USH2A: variants seen among roughly 807,000 people sequenced by gnomAD.
USH2A encodes the protein Usher syndrome 2A (autosomal recessive, mild).
In USH2A, 443 loss-of-function variants were observed where a neutral mutation model predicts 538.9. That is an observed-to-expected ratio of 0.82 (90% CI 0.76 to 0.89). The LOEUF (loss-of-function observed/expected upper bound fraction) is 0.89. Ranked by LOEUF, USH2A falls within the 40% of genes least tolerant of loss-of-function variation. USH2A has a pLI of 0.00. For synonymous variants in USH2A, 2,413 were observed against 2,273.5 expected (o/e 1.06, Z -1.75); for missense variants, 6,633 against 6,324.8 (o/e 1.05, Z -1.65).
At chr1:215,873,939 A>G (rs565665993) in intron 43 of USH2A, among the ~76,000 whole-genome samples, 19 of 152,322 alleles carry the variant, frequency 1.2e-4, no homozygotes, top group African/African-American at 4.6e-4. Flanking sequence ...TTTTCTCTAT[A>G]ATAGTAAAAT....
intron 3 of USH2A, among the ~76,000 whole-genome samples, chr1:216,385,942 C>A (rs1380507606): frequency 5.3e-5 from 8 of 152,252 alleles, no homozygotes; most frequent in Admixed American, 3.9e-4. Flanking sequence ...TTTTTATAAT[C>A]CAAGAAGCAC....
In USH2A at chr1:215,912,499, A is replaced by ATATATATATACG. The variant is rs1558158066; in HGVS notation, c.7301-11595_7301-11594insCGTATATATATA. On this transcript the variant is annotated intron_variant, in intron 38 of 71. Coordinates refer to ENST00000307340, the MANE Select transcript of USH2A (RefSeq NM_206933.4). ...TACGTATATATATATATGTGTATATATATATATATATACGTGTATATATAT... is the reference window on the plus strand; with the variant it reads ...TACGTATATATATATATGTGTATATATATATATATACGTATATATATATACGTGTATATATAT... Among the ~76,000 whole-genome samples the ATATATATATACG allele has an allele frequency of 5.9e-3, 257 of 43,220 alleles. 1 individual carries two copies. The highest frequency in any genetic ancestry group is 0.012 in the South Asian group (15 of 1,244). The allele number at this position is 43,220 out of a possible 152,430, so 28.4% of individuals were successfully genotyped here.
rs2037663417 is a variant in USH2A at position 216,323,626 on chromosome 1, T to C, written c.1398A>G (p.Gly466=). ...ATGGGGTATTATAGAAGTTATTGTATCCAGGACGATAATTTGGTCCAGGTG... is the reference window on the plus strand; with the variant it reads ...ATGGGGTATTATAGAAGTTATTGTACCCAGGACGATAATTTGGTCCAGGTG... The part of the protein sequence containing the change: ...ILTPGPNYRP[G]YNNFYNTPSL... Residue 466 remains glycine, a synonymous_variant, in exon 8 of 72, where the codon GGA becomes GGG. Coordinates refer to ENST00000307340, the MANE Select transcript of USH2A (RefSeq NM_206933.4). The C allele has an allele frequency of 1.9e-6, 3 of 1,613,618 alleles. No individual in the cohort carries two copies.
chr1:215,977,225 T>C (rs1419270019), intron 35 of USH2A, among the ~76,000 whole-genome samples: 1 of 152,098 alleles, frequency 6.6e-6, no homozygotes, highest in Non-Finnish European at 1.5e-5. Flanking sequence ...AAAAAAAATC[T>C]TTGCTAGCTT....
At chr1:216,268,576 ATGGATGTGGGGCAGTACT>A (rs1435563696) in intron 11 of USH2A, among the ~76,000 whole-genome samples, 3 of 152,124 alleles carry the variant, frequency 2.0e-5, no homozygotes, top group African/African-American at 7.2e-5. Context: ...AAAGTATTTG[ATGGATGTGGGGCAGTACT>A]TGCAAAGTGA....
At chr1:215,798,876 A>T in intron 50 of USH2A, 31 bp downstream of exon 50, 1 of 1,611,948 alleles carries the variant, frequency 6.2e-7, no homozygotes, top group Non-Finnish European at 8.5e-7. Flanking sequence ...CAGATCCTCC[A>T]TCTACTGAAA....
Position 216,149,309 on chromosome 1 carries a change from C to T in USH2A, c.4627+25943G>A, listed in dbSNP as rs147489497. ...TTCCCTTCTGTCAGACATAATTCCC[C>T]GGTTTGGCCTTCCCACCTCTATACA... On this transcript the variant is annotated intron_variant, in intron 21 of 71. Transcript: ENST00000307340. Among the ~76,000 whole-genome samples the T allele has an allele frequency of 4.5e-3, 689 of 152,248 alleles. 4 individuals carry two copies. Among genetic ancestry groups the T allele is most frequent in the African/African-American group, 0.016 (653 of 41,550 alleles).
intron 20 of USH2A, among the ~76,000 whole-genome samples, chr1:216,181,566 A>G (rs1197234083): frequency 1.3e-5 from 2 of 152,138 alleles, no homozygotes; most frequent in Non-Finnish European, 2.9e-5. Context: ...TCTGGCGATC[A>G]CAATAATTTG....
At chr1:215,726,566 C>T (rs546013039) in intron 61 of USH2A, among the ~76,000 whole-genome samples, 1 of 152,234 alleles carries the variant, frequency 6.6e-6, no homozygotes, top group African/African-American at 2.4e-5. Context: ...ATGTTATCCT[C>T]CATAAGATAA....
At chr1:216,232,375 A>T (rs1350039576) in intron 13 of USH2A, among the ~76,000 whole-genome samples, 1 of 152,192 alleles carries the variant, frequency 6.6e-6, no homozygotes, top group Non-Finnish European at 1.5e-5. Flanking sequence ...AAAATCTACC[A>T]TGCAATATTT....
intron 20 of USH2A, among the ~76,000 whole-genome samples, chr1:216,177,006 T>C (rs1411925735): frequency 3.9e-5 from 6 of 152,218 alleles, no homozygotes; most frequent in Non-Finnish European, 8.8e-5. Context: ...AAAGCTGCTA[T>C]GATGTGCATA....
chr1:216,365,230 A>G, intron 3 of USH2A, 145 bp from the exon 4 acceptor site: 1 of 934,180 alleles, frequency 1.1e-6, no homozygotes, highest in Non-Finnish European at 1.6e-6. Flanking sequence ...TTAATAGCTC[A>G]GTGATATCTC....
intron 54 of USH2A, 22 bp downstream of exon 54, chr1:215,782,020 A>G: frequency 6.2e-7 from 1 of 1,613,702 alleles, no homozygotes; most frequent in Non-Finnish European, 8.5e-7. Context: ...CTTTTCCCAG[A>G]GTTTAGGCAA....
At chr1:216,157,403 G>T (rs1414960982) in intron 21 of USH2A, among the ~76,000 whole-genome samples, 1 of 152,184 alleles carries the variant, frequency 6.6e-6, no homozygotes, top group Non-Finnish European at 1.5e-5. Flanking sequence ...AGCCACTGTG[G>T]AAAGCAGTCT....
intron 38 of USH2A, among the ~76,000 whole-genome samples, chr1:215,932,494 A>C (rs1300832258): frequency 1.3e-5 from 2 of 152,092 alleles, no homozygotes; most frequent in East Asian, 3.9e-4. Context: ...AAACCTATTT[A>C]ATCAATGAGG....
intron 61 of USH2A, among the ~76,000 whole-genome samples, chr1:215,723,469 C>A (rs1047901988): frequency 1.3e-5 from 2 of 152,274 alleles, no homozygotes; most frequent in East Asian, 1.9e-4. Flanking sequence ...TCTGGGGGGA[C>A]CTTGGGGCAA....
At chr1:216,338,712 T>C (rs536211878) in intron 4 of USH2A, among the ~76,000 whole-genome samples, 60 of 151,512 alleles carry the variant, frequency 4.0e-4, no homozygotes, top group African/African-American at 1.4e-3. Context: ...GGAAATGCAA[T>C]GGAAAATTTA....
At chr1:216,318,567 CT>C (rs1218559526) in intron 9 of USH2A, among the ~76,000 whole-genome samples, 2 of 152,120 alleles carry the variant, frequency 1.3e-5, no homozygotes, top group African/African-American at 4.8e-5. Flanking sequence ...AGTCTATTGA[CT>C]TTTTCCCTGC....
chr1:215,931,884 T>C (rs1331996309), intron 38 of USH2A, among the ~76,000 whole-genome samples: 1 of 151,944 alleles, frequency 6.6e-6, no homozygotes, highest in African/African-American at 2.4e-5. Flanking sequence ...AGGCCCTATC[T>C]CAGCCTCTGT....
Sources: gnomAD v4.1 joint callset for allele counts (sites outside exome capture counted in the v4.1 genomes callset) on GRCh38, gnomAD v4.1.1 for gene constraint, MANE v1.5 for transcripts, NCBI Gene and HGNC (gene_info 2026-07-23, HGNC 2026-07-21) for gene names.